Variants in DOCK10 observed in about 807,000 individuals in gnomAD.
DOCK10 encodes the protein dedicator of cytokinesis 10.
Under a neutral mutation model 280.1 loss-of-function variants are expected in DOCK10, and 145 were observed. The ratio of observed to expected loss-of-function variants is 0.52; its 90% CI spans 0.45 to 0.59. The LOEUF (loss-of-function observed/expected upper bound fraction) is 0.59. DOCK10 is among the 20% of genes least tolerant of loss of function. The pLI is 0.00. For missense variants in DOCK10, 2,368 were observed against 2,651.7 expected (o/e 0.89, Z 2.35); for synonymous variants, 915 against 942.2 (o/e 0.97, Z 0.53).
At chr2:225,006,451 T>A (rs539838698) in intron 1 of DOCK10, among the ~76,000 whole-genome samples, 1 of 152,282 alleles carries the variant, frequency 6.6e-6, no homozygotes, top group African/African-American at 2.4e-5. Flanking sequence ...AATGTCGACA[T>A]ACCTCCCATT....
rs774324963 is a variant in DOCK10 at position 224,874,145 on chromosome 2, T to C, written c.1108A>G (p.Lys370Glu). 8 of 1,587,996 alleles carry C rather than the reference T, an allele frequency of 5.0e-6. No homozygotes were observed. In the Admixed American group the frequency reaches 7.3e-5, roughly 14 times the overall value. ...FSLDPDIDTL[K>E]LQKKDLLEPE... is the part of the protein sequence containing the mutation. ...TCCAAGAGATCTTTTTTTTGAAGTTTCAAGGTCTAAAAAAGTTTTGAATGA... is the reference window on the plus strand; with the variant it reads ...TCCAAGAGATCTTTTTTTTGAAGTTCCAAGGTCTAAAAAAGTTTTGAATGA... The change falls in exon 11 of 56, where the codon AAA becomes GAA. Residue 370 changes from lysine to glutamate, a missense_variant. Physicochemically the swap from Lys to Glu is moderately conservative, Grantham distance 56 (BLOSUM62 1). This residue lies in a region of DOCK10 where 1,209 missense variants were observed against 1,250.9 expected (regional missense o/e 0.97). Coordinates refer to ENST00000258390, the MANE Select transcript of DOCK10 (RefSeq NM_014689.3).
At chr2:224,816,237 T>TTA (rs1012525821) in intron 30 of DOCK10, among the ~76,000 whole-genome samples, 3 of 148,796 alleles carry the variant, frequency 2.0e-5, no homozygotes, top group Non-Finnish European at 3.0e-5. Context: ...TATTTATAAA[T>TTA]TATATATATA....
At position 225,037,427 on chromosome 2, in the gene DOCK10, A is replaced by G. The variant is rs529574157; in HGVS notation, c.123+4825T>C. ...ATCCTTAGGTAGAACTGCATCTTGG[A>G]TAGATCAAAAGGCAACACCAATCAA... is the stretch of plus-strand genomic sequence containing the variant. On this transcript the variant is annotated intron_variant, in intron 1 of 55. Coordinates refer to ENST00000258390, the MANE Select transcript of DOCK10 (RefSeq NM_014689.3). Among the ~76,000 whole-genome samples the G allele has an allele frequency of 1.6e-4, 24 of 152,278 alleles. No individual in the cohort carries two copies. In the East Asian group the frequency reaches 4.1e-3, roughly 26 times the overall value.
At chr2:224,787,567 C>T (rs923307297) in intron 48 of DOCK10, among the ~76,000 whole-genome samples, 170 bp from the exon 49 acceptor site, 3 of 152,112 alleles carry the variant, frequency 2.0e-5, no homozygotes, top group Non-Finnish European at 4.4e-5. Flanking sequence ...CCCGCACTGC[C>T]GTTACCTAAT....
intron 4 of DOCK10, chr2:224,893,388 G>T: frequency 6.1e-6 from 1 of 164,614 alleles, no homozygotes; most frequent in Non-Finnish European, 1.3e-5. Flanking sequence ...TTGATCTTTA[G>T]TCACAATTTA....
At chr2:224,885,598 C>T (rs552280121) in intron 7 of DOCK10, 73 bp downstream of exon 7, 2 of 1,441,920 alleles carry the variant, frequency 1.4e-6, no homozygotes, top group African/African-American at 1.4e-5. Flanking sequence ...ATATCAGATA[C>T]TCCATGAATA....
chr2:224,961,211 T>G (rs897695533), intron 1 of DOCK10, among the ~76,000 whole-genome samples: 2 of 152,198 alleles, frequency 1.3e-5, no homozygotes, highest in African/African-American at 4.8e-5. Flanking sequence ...TCACAACATG[T>G]TAGCCAGGAT....
At position 224,874,765 on chromosome 2, in the gene DOCK10, A is replaced by G; in HGVS notation, c.932-14T>C. On this transcript the variant is annotated splice_polypyrimidine_tract_variant and intron_variant, in intron 8 of 55. Coordinates refer to ENST00000258390, the MANE Select transcript of DOCK10 (RefSeq NM_014689.3). ...TATCCAGCGAATCTTAAAAAGATAT[A>G]CCAAGTCAGGTTATTAAATATTACT... The G allele has an allele frequency of 6.2e-7, 1 of 1,608,504 alleles. No individual in the cohort carries two copies. The highest frequency in any genetic ancestry group is 8.5e-7 in the Non-Finnish European group (1 of 1,175,054).
rs1343876849 is a variant in DOCK10 at position 224,786,333 on chromosome 2, T to C, written c.5655+689A>G. Reference sequence around the variant, plus strand: ...AATATAATAGCGTTATAAGCCTTCCTGAAAAGAAAATGAATGGTGCCTGGG... The same window carrying C: ...AATATAATAGCGTTATAAGCCTTCCCGAAAAGAAAATGAATGGTGCCTGGG... On this transcript the variant is annotated intron_variant, in intron 50 of 55. Coordinates refer to ENST00000258390, the MANE Select transcript of DOCK10 (RefSeq NM_014689.3). This position sits in a 1 kb window ranked among gnomAD's most constrained non-coding sequence, Gnocchi z 4.7. Among the ~76,000 whole-genome samples the C allele has an allele frequency of 1.3e-5, 2 of 152,222 alleles. No homozygotes were observed. Among genetic ancestry groups the C allele is most frequent in the African/African-American group, 4.8e-5 (2 of 41,464 alleles).
At position 224,909,543 on chromosome 2, in the gene DOCK10, G is replaced by A. The variant is rs563831554; in HGVS notation, c.333+7152C>T. On this transcript the variant is annotated intron_variant, in intron 3 of 55. Transcript: ENST00000258390. ...AGTACCCTCATCCAGTCAGGCTAGTGAGCATGTGGTATAAAGGAACTTATC... is the reference window on the plus strand; with the variant it reads ...AGTACCCTCATCCAGTCAGGCTAGTAAGCATGTGGTATAAAGGAACTTATC... 2.6e-5 allele frequency among the ~76,000 whole-genome samples: 4 copies of A among 152,276 alleles called. No individual in the cohort carries two copies. In the South Asian group the frequency reaches 8.3e-4, roughly 32 times the overall value.
intron 1 of DOCK10, among the ~76,000 whole-genome samples, chr2:225,003,554 T>C (rs1706493427): frequency 1.3e-5 from 2 of 152,216 alleles, no homozygotes; most frequent in Admixed American, 6.5e-5. Flanking sequence ...GTTGACTTCA[T>C]GTTTGACTGA....
At chr2:224,894,772 C>T (rs1218870398) in intron 4 of DOCK10, among the ~76,000 whole-genome samples, 2 of 152,220 alleles carry the variant, frequency 1.3e-5, no homozygotes, top group Non-Finnish European at 2.9e-5. Context: ...TTTCTCTTCA[C>T]GGTAATGAAA....
rs1460322790 is a variant in DOCK10 at position 224,897,612 on chromosome 2, A to C, written c.334-1235T>G. On this transcript the variant is annotated intron_variant, in intron 3 of 55. Transcript: ENST00000258390. ...TTTCTCTGTGGGTTGAATTGTTTTC[A>C]TTTTTGGATCCCATAAGTAAGTAAG... is the stretch of plus-strand genomic sequence containing the variant. Among the ~76,000 whole-genome samples, 3 of 151,874 alleles carry C rather than the reference A, an allele frequency of 2.0e-5. No homozygotes were observed. In the East Asian group the frequency reaches 5.8e-4, roughly 29 times the overall value.
intron 1 of DOCK10, among the ~76,000 whole-genome samples, chr2:225,025,134 C>A (rs1176769731): frequency 1.3e-5 from 2 of 152,142 alleles, no homozygotes; most frequent in Non-Finnish European, 2.9e-5. Context: ...CAGTGCAATG[C>A]AAGCTCTCTG....
chr2:225,003,513 A>G (rs1167561634), intron 1 of DOCK10, among the ~76,000 whole-genome samples: 1 of 152,190 alleles, frequency 6.6e-6, no homozygotes. Context: ...AAAGACCCAC[A>G]ATCTGGAAAT....
At chr2:224,838,560 A>T (rs1695741265) in intron 24 of DOCK10, among the ~76,000 whole-genome samples, 1 of 152,190 alleles carries the variant, frequency 6.6e-6, no homozygotes, top group East Asian at 1.9e-4. Flanking sequence ...GCAGGTCCAG[A>T]ACTGGATGGT....
chr2:225,023,272 G>A (rs1689830509), intron 1 of DOCK10, among the ~76,000 whole-genome samples: 1 of 152,138 alleles, frequency 6.6e-6, no homozygotes, highest in African/African-American at 2.4e-5. Flanking sequence ...CTGACTTCAG[G>A]TGATCTGCCC....
At chr2:224,797,473 G>C (rs1209534580) in intron 42 of DOCK10, among the ~76,000 whole-genome samples, 1 of 151,958 alleles carries the variant, frequency 6.6e-6, no homozygotes, top group Non-Finnish European at 1.5e-5. Context: ...ATTTACAAGC[G>C]TCCTCAAAGG....
At chr2:224,916,953 T>C (rs13013616) in intron 2 of DOCK10, among the ~76,000 whole-genome samples, 169 bp from the exon 3 acceptor site, 92,369 of 151,854 alleles carry the variant, frequency 0.61, 28,273 homozygotes, top group Middle Eastern at 0.65. Flanking sequence ...AGAGAAGATG[T>C]GGACATTTAT....
Sources: allele counts gnomAD v4.1 joint callset (sites outside exome capture counted in the v4.1 genomes callset), GRCh38; gene constraint gnomAD v4.1.1; regional missense constraint gnomAD v4.1.1; non-coding constraint Gnocchi (gnomAD v3.1); transcripts MANE v1.5; gene names NCBI Gene and HGNC (gene_info 2026-07-23, HGNC 2026-07-21).